PEX14: variants seen among roughly 807,000 people sequenced by gnomAD.
PEX14 encodes the protein peroxisomal biogenesis factor 14, also known as peroxisomal membrane protein PEX14.
A neutral mutation model predicts 49.5 loss-of-function variants in PEX14; 15 were observed. That is an observed-to-expected ratio of 0.30 (90% CI 0.20 to 0.47). PEX14 has a LOEUF of 0.47. Ranked by LOEUF, PEX14 falls within the 20% of genes least tolerant of loss-of-function variation. The probability of loss-of-function intolerance (pLI) is 1.00; values close to 1 mark genes in which losing one functional copy is unlikely to be tolerated. For missense variants in PEX14, 398 were observed against 494.8 expected, an observed-to-expected ratio of 0.80 and a Z score of 1.86; for synonymous variants, 210 against 212.7, an observed-to-expected ratio of 0.99 and a Z score of 0.11.
chr1:10,500,392 A>AAAAG (rs1641654562), intron 2 of PEX14, among the ~76,000 whole-genome samples: 1 of 150,798 alleles, frequency 6.6e-6, no homozygotes, highest in African/African-American at 2.4e-5. Context: ...AAAAAAAAAA[A>AAAAG]AAAAAAAAAA....
intron 3 of PEX14, among the ~76,000 whole-genome samples, chr1:10,552,178 T>C (rs1406503598): frequency 6.6e-6 from 1 of 152,168 alleles, no homozygotes; most frequent in Admixed American, 6.5e-5. Context: ...GTGTGGTGGC[T>C]CATGCCAGTA....
chr1:10,498,292 A>G (rs1641605936), intron 2 of PEX14, among the ~76,000 whole-genome samples: 1 of 148,374 alleles, frequency 6.7e-6, no homozygotes, highest in Non-Finnish European at 1.5e-5. Flanking sequence ...AAACAAAACA[A>G]AACAAAACAA....
At chr1:10,594,424 A>T (rs1173141705) in intron 3 of PEX14, among the ~76,000 whole-genome samples, 1 of 152,136 alleles carries the variant, frequency 6.6e-6, no homozygotes, top group East Asian at 1.9e-4. Flanking sequence ...AGAGGTCCCA[A>T]TGACCAGCCC....
chr1:10,587,663 T>C (rs1640534382), intron 3 of PEX14, among the ~76,000 whole-genome samples: 1 of 152,096 alleles, frequency 6.6e-6, no homozygotes, highest in African/African-American at 2.4e-5. Context: ...TTCAAGGTCC[T>C]TTATTATGGC....
intron 1 of PEX14, among the ~76,000 whole-genome samples, chr1:10,488,560 C>T (rs985075057): frequency 5.3e-5 from 8 of 151,578 alleles, no homozygotes; most frequent in South Asian, 4.2e-4. Context: ...AGTGCAGTGG[C>T]GTGACCTCGG....
intron 5 of PEX14, among the ~76,000 whole-genome samples, chr1:10,619,315 ATTT>A (rs60523076): frequency 1.5e-5 from 2 of 129,046 alleles, no homozygotes; most frequent in Non-Finnish European, 1.7e-5. Context: ...CTGATTGGTG[ATTT>A]TTTTTTTTTT....
chr1:10,571,923 AG>A (rs1639989238), intron 3 of PEX14, among the ~76,000 whole-genome samples: 1 of 152,214 alleles, frequency 6.6e-6, no homozygotes, highest in Non-Finnish European at 1.5e-5. Flanking sequence ...GAAAAAATAA[AG>A]GGAGGGAGTT....
rs567438208 is a variant in PEX14, at chr1:10,622,611, G to A, written c.385-408G>A. On this transcript the variant is annotated intron_variant, in intron 5 of 8. Transcript: ENST00000356607. ...AGAACATGCCGGGAAGAGCTGCCCC[G>A]CCTCCCTCGCCTCCTGGAGGCTCCA... Among the ~76,000 whole-genome samples the A allele has an allele frequency of 8.5e-5, 13 of 152,310 alleles. No homozygotes were observed. The East Asian group carries it at 9.6e-4, about 11-fold the overall frequency.
chr1:10,609,020 T>A (rs1015217482), intron 4 of PEX14, among the ~76,000 whole-genome samples: 1 of 152,218 alleles, frequency 6.6e-6, no homozygotes, highest in Admixed American at 6.5e-5. Flanking sequence ...GAATATGTGA[T>A]CTCTTGTACC....
At position 10,512,069 on chromosome 1, in the gene PEX14, C is replaced by T. The variant is rs1392325870; in HGVS notation, c.84+16748C>T. Among the ~76,000 whole-genome samples the T allele has an allele frequency of 1.3e-5, 2 of 152,150 alleles. No homozygotes were observed. The highest frequency in any genetic ancestry group is 2.4e-5 in the African/African-American group (1 of 41,436). Reference sequence around the variant, plus strand: ...CCGCCTCCCGGGTTTACGCCATTCTCCTGCCTCAGCTTCCCGAATAACTGG... The same window carrying T: ...CCGCCTCCCGGGTTTACGCCATTCTTCTGCCTCAGCTTCCCGAATAACTGG... On this transcript the variant is annotated intron_variant, in intron 2 of 8. Coordinates refer to ENST00000356607, the MANE Select transcript of PEX14 (RefSeq NM_004565.3). The surrounding 1 kb of genome is among the most constrained non-coding windows in gnomAD (Gnocchi z 4.6).
intron 4 of PEX14, among the ~76,000 whole-genome samples, chr1:10,609,813 A>G (rs1242721138): frequency 6.6e-6 from 1 of 152,120 alleles, no homozygotes; most frequent in East Asian, 1.9e-4. Flanking sequence ...TGAACCCGGG[A>G]GGCGGAGGTT....
intron 2 of PEX14, among the ~76,000 whole-genome samples, chr1:10,509,677 G>C (rs1389750130): frequency 6.6e-6 from 1 of 152,054 alleles, no homozygotes; most frequent in African/African-American, 2.4e-5. Context: ...GTTTGTTTTT[G>C]CAGTTCCTGG....
intron 3 of PEX14, among the ~76,000 whole-genome samples, chr1:10,563,426 C>G (rs1639710177): frequency 6.8e-6 from 1 of 147,574 alleles, no homozygotes; most frequent in South Asian, 2.2e-4. Context: ...ATGAAGAAAC[C>G]CCATCTCTAC....
At chr1:10,547,326 G>C (rs1042076637) in intron 3 of PEX14, among the ~76,000 whole-genome samples, 9 of 152,176 alleles carry the variant, frequency 5.9e-5, no homozygotes, top group African/African-American at 2.2e-4. Flanking sequence ...AAGAACAGCA[G>C]TCCTCTGCCT....
intron 4 of PEX14, among the ~76,000 whole-genome samples, chr1:10,611,287 A>G (rs985610733): frequency 1.3e-5 from 2 of 152,162 alleles, no homozygotes; most frequent in Non-Finnish European, 2.9e-5. Flanking sequence ...AAAAAAATTA[A>G]TAGCCATTCT....
intron 3 of PEX14, among the ~76,000 whole-genome samples, chr1:10,591,929 C>G (rs181312895): frequency 1.3e-5 from 2 of 152,286 alleles, no homozygotes; most frequent in Admixed American, 6.5e-5. Flanking sequence ...GCCCCTCTCT[C>G]TGTCCCTTTT....
At chr1:10,622,516 G>A (rs1641624454) in intron 5 of PEX14, among the ~76,000 whole-genome samples, 1 of 152,146 alleles carries the variant, frequency 6.6e-6, no homozygotes, top group Non-Finnish European at 1.5e-5. Flanking sequence ...GCGATGTTTT[G>A]TTTATTAATT....
At chr1:10,624,503 C>T in intron 7 of PEX14, 66 bp downstream of exon 7, 1 of 1,131,904 alleles carries the variant, frequency 8.8e-7, no homozygotes, top group South Asian at 1.2e-5. Flanking sequence ...TCACTCTTGT[C>T]CCTTGGGCCG....
At chr1:10,579,421 C>T (rs1469969497) in intron 3 of PEX14, among the ~76,000 whole-genome samples, 1 of 152,094 alleles carries the variant, frequency 6.6e-6, no homozygotes, top group African/African-American at 2.4e-5. Context: ...GGAGATAATA[C>T]TGTTACAAGA....
Sources: gnomAD v4.1 joint callset for allele counts (sites outside exome capture counted in the v4.1 genomes callset) on GRCh38, gnomAD v4.1.1 for gene constraint, Gnocchi (gnomAD v3.1) non-coding constraint, MANE v1.5 for transcripts, NCBI Gene and HGNC (gene_info 2026-07-23, HGNC 2026-07-21) for gene names.